Variants in GLRA2 observed in about 807,000 individuals in gnomAD.
GLRA2 encodes the protein glycine receptor subunit alpha-2.
A neutral mutation model predicts 31.6 loss-of-function variants in GLRA2; 11 were observed. That is an observed-to-expected ratio of 0.35 (90% CI 0.22 to 0.58). The LOEUF (loss-of-function observed/expected upper bound fraction) is 0.58. Ranked by LOEUF, GLRA2 falls within the 20% of genes least tolerant of loss-of-function variation. GLRA2 has a pLI of 0.84. For missense variants in GLRA2, 212 were observed against 351.8 expected (o/e 0.60, Z 3.18); for synonymous variants, 132 against 134.0 (o/e 0.99, Z 0.10).
At chrX:14,686,551 C>A (rs1055726989) in intron 7 of GLRA2, among the ~76,000 whole-genome samples, 3 of 111,507 alleles carry the variant, frequency 2.7e-5, no homozygotes, top group African/African-American at 9.8e-5. Flanking sequence ...TTGAATTGAT[C>A]CCTTTACCAT....
intron 7 of GLRA2, among the ~76,000 whole-genome samples, chrX:14,651,142 A>G (rs937107615): frequency 3.6e-5 from 4 of 112,027 alleles, no homozygotes; most frequent in African/African-American, 1.3e-4. Context: ...AAACATGAAT[A>G]TATTTTTTAC....
At chrX:14,476,499 G>A in the GLRA2 span, among the ~76,000 whole-genome samples, 1 of 111,595 alleles carries the variant, frequency 9.0e-6, no homozygotes, top group Non-Finnish European at 1.9e-5. Flanking sequence ...TCCCAGCCTA[G>A]CGGTGCTGTT....
chrX:14,640,726 G>A (rs1426619153), intron 7 of GLRA2, among the ~76,000 whole-genome samples: 1 of 111,409 alleles, frequency 9.0e-6, no homozygotes, highest in Non-Finnish European at 1.9e-5. Context: ...TATCTGTGTT[G>A]TTTGTATAAC....
intron 7 of GLRA2, among the ~76,000 whole-genome samples, chrX:14,655,183 G>A (rs754231570): frequency 8.9e-6 from 1 of 111,826 alleles, no homozygotes; most frequent in Non-Finnish European, 1.9e-5. Flanking sequence ...GAGACTGCTT[G>A]CACATGGGGA....
the GLRA2 span, among the ~76,000 whole-genome samples, chrX:14,463,016 A>G: frequency 2.7e-5 from 3 of 111,466 alleles, no homozygotes; most frequent in African/African-American, 9.8e-5. Flanking sequence ...TTGGTGACCT[A>G]CAATTGGGGT....
intron 7 of GLRA2, among the ~76,000 whole-genome samples, chrX:14,615,919 A>C (rs1357202620): frequency 9.0e-6 from 1 of 111,564 alleles, no homozygotes; most frequent in Non-Finnish European, 1.9e-5. Context: ...AAATACAGGA[A>C]AATCAAATAC....
At chrX:14,684,794 G>C (rs1308084314) in intron 7 of GLRA2, among the ~76,000 whole-genome samples, 4 of 111,165 alleles carry the variant, frequency 3.6e-5, no homozygotes, top group Non-Finnish European at 7.5e-5. Flanking sequence ...TTTCCTAATT[G>C]AAAGCCCTTT....
intron 2 of GLRA2, among the ~76,000 whole-genome samples, chrX:14,550,626 G>GC (rs2089547830): frequency 9.0e-6 from 1 of 111,181 alleles, no homozygotes; most frequent in Non-Finnish European, 1.9e-5. Flanking sequence ...GGCCCTTGAT[G>GC]CTTTGATACC....
rs187251466 is a variant in GLRA2 at position 14,574,253 on chromosome X, C to A, written c.203-80C>A. On this transcript the variant is annotated intron_variant, in intron 2 of 8. Coordinates refer to ENST00000218075, the MANE Select transcript of GLRA2 (RefSeq NM_002063.4). ...ACCATCATTTTAATTGTATTCAAAT[C>A]TCTAGCCAATTGCACAGATGTTAAT... 452 of 632,663 alleles carry A rather than the reference C, an allele frequency of 7.1e-4. 2 individuals are homozygous for A. The East Asian group carries it at 0.014, about 19-fold the overall frequency. 52.1% of individuals were successfully genotyped at this position (632,663 alleles called of 1,213,427 possible).
chrX:14,625,249 G>A (rs2090574617), intron 7 of GLRA2, among the ~76,000 whole-genome samples: 1 of 110,971 alleles, frequency 9.0e-6, no homozygotes, highest in African/African-American at 3.3e-5. Context: ...GTCTCTGCAT[G>A]TGAGATGGGT....
the GLRA2 span, among the ~76,000 whole-genome samples, chrX:14,473,236 A>AT: frequency 5.6e-3 from 627 of 111,653 alleles, 6 homozygotes; most frequent in African/African-American, 0.019. Context: ...GAAAAAATTC[A>AT]TATTACATAT....
chrX:14,690,694 T>C lies in GLRA2; in HGVS notation c.931-16T>C, dbSNP rs1221754364. The stretch of plus-strand genomic sequence containing the variant: ...CTCTCTCTCTGTGTGTGTGTGTGTC[T>C]CTCTCTCTCTCTCAGGTCTCCTATG... On this transcript the variant is annotated splice_polypyrimidine_tract_variant and intron_variant, in intron 7 of 8. Transcript: ENST00000218075. The C allele has an allele frequency of 8.3e-6, 9 of 1,087,272 alleles. No homozygotes were observed. The South Asian group carries it at 9.4e-5, about 11-fold the overall frequency. 89.6% of individuals were successfully genotyped at this position (1,087,272 alleles called of 1,213,427 possible).
At chrX:14,466,590 T>C in the GLRA2 span, among the ~76,000 whole-genome samples, 3 of 70,680 alleles carry the variant, frequency 4.2e-5, no homozygotes, top group Non-Finnish European at 8.3e-5. Flanking sequence ...CTCACAGGGA[T>C]TTTTTTTGTG....
chrX:14,557,267 C>T (rs2089661116), intron 2 of GLRA2, among the ~76,000 whole-genome samples: 2 of 107,810 alleles, frequency 1.9e-5, no homozygotes, highest in Non-Finnish European at 1.9e-5. Flanking sequence ...AGGCGCCCAC[C>T]ACCACGCCCG....
At chrX:14,479,649 G>A in the GLRA2 span, among the ~76,000 whole-genome samples, 1 of 111,364 alleles carries the variant, frequency 9.0e-6, no homozygotes, top group African/African-American at 3.3e-5. Context: ...TTCTATTCCT[G>A]TGTTCTCAGG....
At chrX:14,636,061 G>A (rs191340708) in intron 7 of GLRA2, among the ~76,000 whole-genome samples, 52 of 111,906 alleles carry the variant, frequency 4.6e-4, no homozygotes, top group Non-Finnish European at 7.9e-4. Context: ...AAGTAAAGTA[G>A]TATTGAATTA....
rs746784495 is a variant in GLRA2 at position 14,538,712 on chromosome X, T to A, written c.202+6340T>A. On this transcript the variant is annotated intron_variant, in intron 2 of 8. Coordinates refer to ENST00000218075, the MANE Select transcript of GLRA2 (RefSeq NM_002063.4). ...AACCAAATAAGAGAAATAGAACAAA[T>A]TTAACTTAGTCCTATAAAGGAGGAC... Among the ~76,000 whole-genome samples the A allele has an allele frequency of 3.6e-5, 4 of 112,032 alleles. No homozygotes were observed. The South Asian group carries it at 1.5e-3, about 41-fold the overall frequency.
At chrX:14,610,821 T>C (rs915811099) in intron 7 of GLRA2, among the ~76,000 whole-genome samples, 1 of 112,561 alleles carries the variant, frequency 8.9e-6, no homozygotes, top group African/African-American at 3.2e-5. Flanking sequence ...TTTGAGTTTT[T>C]ATAAATTTGT....
the GLRA2 span, among the ~76,000 whole-genome samples, chrX:14,522,058 C>G: frequency 5.4e-5 from 6 of 111,787 alleles, no homozygotes; most frequent in African/African-American, 2.0e-4. Context: ...AAATATTTCT[C>G]TATAGGGTGC....
Sources: gnomAD v4.1 joint callset for allele counts (sites outside exome capture counted in the v4.1 genomes callset) on GRCh38, gnomAD v4.1.1 for gene constraint, MANE v1.5 for transcripts, NCBI Gene and HGNC (gene_info 2026-07-23, HGNC 2026-07-21) for gene names.